Variants in NOS1 observed in about 807,000 individuals in gnomAD.
NOS1 encodes the protein nitric oxide synthase 1, also known as NOS type I.
Under a neutral mutation model 164.5 loss-of-function variants are expected in NOS1, and 51 were observed. That is an observed-to-expected ratio of 0.31 (90% CI 0.25 to 0.39). The LOEUF (loss-of-function observed/expected upper bound fraction) is 0.39, where lower values mean the gene tolerates loss of function less well. NOS1 is among the 10% of genes least tolerant of loss of function. NOS1 has a pLI of 1.00. For synonymous variants in NOS1, 719 were observed against 745.8 expected, an observed-to-expected ratio of 0.96 and a Z score of 0.59; for missense variants, 1,362 against 1,885.6, an observed-to-expected ratio of 0.72 and a Z score of 5.14.
chr12:117,309,762 A>G (rs1199911720), intron 3 of NOS1, among the ~76,000 whole-genome samples: 2 of 151,946 alleles, frequency 1.3e-5, no homozygotes, highest in African/African-American at 2.4e-5. Flanking sequence ...AAAGTTGGAT[A>G]ACAGATGGAG....
At chr12:117,251,095 G>C (rs1174191378) in intron 17 of NOS1, among the ~76,000 whole-genome samples, 1 of 152,124 alleles carries the variant, frequency 6.6e-6, no homozygotes, top group Non-Finnish European at 1.5e-5. Context: ...AATGGGGTTA[G>C]TGCCTCTTAA....
At chr12:117,258,680 GCA>G (rs1871654573) in intron 15 of NOS1, among the ~76,000 whole-genome samples, 1 of 152,124 alleles carries the variant, frequency 6.6e-6, no homozygotes, top group Admixed American at 6.6e-5. Flanking sequence ...CCTACCCCCA[GCA>G]CACAACTTCC....
At chr12:117,228,430 G>A (rs1868896261) in intron 22 of NOS1, among the ~76,000 whole-genome samples, 1 of 152,156 alleles carries the variant, frequency 6.6e-6, no homozygotes, top group Non-Finnish European at 1.5e-5. Flanking sequence ...GGCATTCAGT[G>A]GAGACCTGTG....
intron 10 of NOS1, 73 bp from the exon 11 acceptor site, chr12:117,268,217 A>G: frequency 1.0e-6 from 1 of 978,486 alleles, no homozygotes; most frequent in Non-Finnish European, 1.6e-6. Context: ...GGACAGGGCT[A>G]GTGGCGTGAA....
intron 17 of NOS1, among the ~76,000 whole-genome samples, chr12:117,248,195 TTA>T (rs1491304749): frequency 1.3e-5 from 2 of 151,832 alleles, no homozygotes; most frequent in African/African-American, 2.4e-5. Flanking sequence ...CTTTTTTTTT[TTA>T]AATTTATTAT....
intron 20 of NOS1, among the ~76,000 whole-genome samples, chr12:117,239,185 C>T (rs1269097518): frequency 4.6e-5 from 7 of 152,180 alleles, no homozygotes; most frequent in Admixed American, 2.6e-4. Flanking sequence ...TTTTACTTGA[C>T]GGGGGATGAG....
At chr12:117,232,778 C>G (rs924211925) in intron 21 of NOS1, among the ~76,000 whole-genome samples, 5 of 152,162 alleles carry the variant, frequency 3.3e-5, no homozygotes. Flanking sequence ...AAATATAAGC[C>G]TCTTCTCCAT....
At chr12:117,238,863 A>G (rs1258314188) in intron 20 of NOS1, among the ~76,000 whole-genome samples, 1 of 152,176 alleles carries the variant, frequency 6.6e-6, no homozygotes, top group Non-Finnish European at 1.5e-5. Context: ...ATAAATAAAT[A>G]CATAAAATAA....
chr12:117,348,568 T>G (rs775106452), intron 1 of NOS1, among the ~76,000 whole-genome samples: 20 of 152,240 alleles, frequency 1.3e-4, no homozygotes, highest in Non-Finnish European at 2.8e-4. Flanking sequence ...ATGAACTCAC[T>G]TTCTATCTTA....
intron 28 of NOS1, 57 bp downstream of exon 28, chr12:117,217,989 T>C: frequency 2.4e-6 from 3 of 1,247,322 alleles, no homozygotes; most frequent in Admixed American, 3.4e-5. Context: ...TCCTGCCCAG[T>C]GGGACCTAGA....
At chr12:117,215,917 G>A (rs115160738) in intron 28 of NOS1, among the ~76,000 whole-genome samples, 1,624 of 122,230 alleles carry the variant, frequency 0.013, 31 homozygotes, top group African/African-American at 0.05. Flanking sequence ...TCACTGTGTC[G>A]CCCAGGCTGA....
intron 3 of NOS1, among the ~76,000 whole-genome samples, chr12:117,308,595 T>C (rs991492931): frequency 2.0e-5 from 3 of 151,528 alleles, no homozygotes; most frequent in African/African-American, 7.3e-5. Flanking sequence ...GGTCAGATTA[T>C]ATAATTTTTT....
intron 28 of NOS1, 27 bp downstream of exon 28, chr12:117,218,019 C>A (rs963164695): frequency 9.2e-6 from 14 of 1,524,342 alleles, no homozygotes; most frequent in Non-Finnish European, 1.2e-5. Flanking sequence ...TCTTCCTGCC[C>A]CTCACCCAGG....
chr12:117,258,283 G>A, intron 16 of NOS1, 114 bp downstream of exon 16: 1 of 1,035,474 alleles, frequency 9.7e-7, no homozygotes, highest in Non-Finnish European at 1.5e-6. Flanking sequence ...CATTACAAAT[G>A]GACTTCAGAT....
chr12:117,301,860 GCTT>G (rs1432029715), intron 3 of NOS1, among the ~76,000 whole-genome samples: 1 of 152,176 alleles, frequency 6.6e-6, no homozygotes, highest in East Asian at 1.9e-4. Context: ...TGGGCACAGT[GCTT>G]CTTATCTGCC....
In NOS1 at chr12:117,272,309, C is replaced by T. The variant is rs559281834; in HGVS notation, c.1839+76G>A. The T allele has an allele frequency of 1.1e-5, 17 of 1,532,310 alleles. No homozygotes were observed. Among genetic ancestry groups the T allele is most frequent in the African/African-American group, 1.1e-4 (8 of 72,884 alleles). 94.9% of individuals were successfully genotyped at this position (1,532,310 alleles called of 1,614,324 possible). A position where few individuals can be genotyped will look rare whatever the true frequency, so the allele number is the denominator to read the frequency against. On this transcript the variant is annotated intron_variant, in intron 10 of 28. Transcript: ENST00000317775. The surrounding 1 kb of genome is among the most constrained non-coding windows in gnomAD (Gnocchi z 4.3). ...CAAGTTTCCAAGCCACCAAGCTCGCCGTGGGGAAGGGGACTGCTGAGCTGG... is the reference window on the plus strand; with the variant it reads ...CAAGTTTCCAAGCCACCAAGCTCGCTGTGGGGAAGGGGACTGCTGAGCTGG...
chr12:117,332,268 A>G (rs1875584767), intron 1 of NOS1, among the ~76,000 whole-genome samples: 1 of 152,170 alleles, frequency 6.6e-6, no homozygotes, highest in Non-Finnish European at 1.5e-5. Flanking sequence ...CTCTTAACAC[A>G]TATTTGTTAT....
intron 3 of NOS1, among the ~76,000 whole-genome samples, chr12:117,297,920 A>G (rs1245751044): frequency 6.6e-6 from 1 of 152,092 alleles, no homozygotes; most frequent in Non-Finnish European, 1.5e-5. Context: ...GGCGCCTCCA[A>G]GACATACAAC....
rs1870336219 is a variant in NOS1 at position 117,243,292 on chromosome 12, G to GA, written c.2962+4_2962+5insT. On this transcript the variant is annotated splice_donor_region_variant and intron_variant, in intron 19 of 28. Transcript: ENST00000317775. This position sits in a 1 kb window ranked among gnomAD's most constrained non-coding sequence, Gnocchi z 4.3. ...ATACCTCCCTGGAAGGGTGGTGGGA[G>GA]GTACCTTGTGTGAGTTCTGGAGCTT... 1.2e-6 allele frequency: 2 copies of GA among 1,613,976 alleles called. No individual in the cohort carries two copies. The highest frequency in any genetic ancestry group is 1.7e-6 in the Non-Finnish European group (2 of 1,179,956).
Sources: gnomAD v4.1 joint callset for allele counts (sites outside exome capture counted in the v4.1 genomes callset) on GRCh38, gnomAD v4.1.1 for gene constraint, Gnocchi (gnomAD v3.1) non-coding constraint, MANE v1.5 for transcripts, NCBI Gene and HGNC (gene_info 2026-07-23, HGNC 2026-07-21) for gene names.